Variants in PRUNE2 observed in about 807,000 individuals in gnomAD.
The protein encoded by PRUNE2 is prune homolog 2 with BCH domain.
PRUNE2 carries 164 observed loss-of-function variants against 252.0 expected under a neutral mutation model. That is an observed-to-expected ratio of 0.65 (90% CI 0.57 to 0.74). The LOEUF is 0.74. PRUNE2 is among the 30% of genes least tolerant of loss of function. PRUNE2 has a pLI of 0.00. For synonymous variants in PRUNE2, 1,292 were observed against 1,350.2 expected, an observed-to-expected ratio of 0.96 and a Z score of 0.94; for missense variants, 3,495 against 3,711.0, an observed-to-expected ratio of 0.94 and a Z score of 1.51.
intron 6 of PRUNE2, among the ~76,000 whole-genome samples, chr9:76,763,848 GT>G (rs1401145371): frequency 1.3e-5 from 2 of 152,160 alleles, no homozygotes; most frequent in African/African-American, 2.4e-5. Flanking sequence ...ACAGTGAGAG[GT>G]GCCCATGAGT....
intron 6 of PRUNE2, among the ~76,000 whole-genome samples, chr9:76,767,415 C>T (rs889503073): frequency 1.3e-5 from 2 of 151,066 alleles, no homozygotes; most frequent in Admixed American, 6.6e-5. Context: ...TGTGCCACTG[C>T]GCTCCAGCCT....
chr9:76,650,160 CTTCA>C (rs1308820769), intron 11 of PRUNE2, among the ~76,000 whole-genome samples: 2 of 151,684 alleles, frequency 1.3e-5, no homozygotes, highest in African/African-American at 4.8e-5. Flanking sequence ...CTTCTCTGTG[CTTCA>C]TTGTTCTAGT....
chr9:76,822,389 AC>A (rs2058083525), intron 6 of PRUNE2, among the ~76,000 whole-genome samples: 2 of 152,238 alleles, frequency 1.3e-5, no homozygotes, highest in Non-Finnish European at 2.9e-5. Flanking sequence ...AATAAATTTG[AC>A]AAAAAGATCA....
chr9:76,748,527 G>T (rs2050336483), intron 6 of PRUNE2: 1 of 152,178 alleles, frequency 6.6e-6, no homozygotes, highest in African/African-American at 2.4e-5. Context: ...ATGGGTTTTG[G>T]GGGTAATAAA....
chr9:76,787,660 A>G (rs941389810), intron 6 of PRUNE2: 1 of 152,212 alleles, frequency 6.6e-6, no homozygotes, highest in South Asian at 2.1e-4. Flanking sequence ...AATTGCACAC[A>G]TCGCACATGC....
At chr9:76,625,781 T>C (rs1356489135) in intron 16 of PRUNE2, among the ~76,000 whole-genome samples, 1 of 152,210 alleles carries the variant, frequency 6.6e-6, no homozygotes, top group Non-Finnish European at 1.5e-5. Flanking sequence ...TCTTGTTTCA[T>C]ACTGTAAACA....
At position 76,846,566 on chromosome 9, in the gene PRUNE2, G is replaced by C. The variant is rs199648335; in HGVS notation, c.457C>G (p.Leu153Val). 1 of 1,614,142 alleles carries C rather than the reference G, an allele frequency of 6.2e-7. No homozygotes were observed. The highest frequency in any genetic ancestry group is 1.7e-5 in the Admixed American group (1 of 60,024). Residue 153 changes from leucine (L) to valine (V), a missense_variant, in exon 4 of 19, where the codon CTC (leucine) becomes GTC (valine). Transcript: ENST00000376718. ...SSSSLVLKEI[L>V]QEAPELITEQ... ...GTGATGAGCTCAGGAGCCTCTTGGA[G>C]AATCTCCTTTAGCACGAGAGAAGAG...
chr9:76,779,466 T>A (rs1425003599), intron 6 of PRUNE2, among the ~76,000 whole-genome samples: 1 of 152,198 alleles, frequency 6.6e-6, no homozygotes, highest in Non-Finnish European at 1.5e-5. Flanking sequence ...GATGCACTTA[T>A]GAAAAATGGT....
chr9:76,859,539 T>C (rs1261308149), intron 1 of PRUNE2, among the ~76,000 whole-genome samples: 7 of 152,114 alleles, frequency 4.6e-5, no homozygotes, highest in Non-Finnish European at 8.8e-5. Flanking sequence ...CTATGGATTC[T>C]TCTTGCCCAC....
chr9:76,719,859 C>A (rs2135213104), intron 6 of PRUNE2, among the ~76,000 whole-genome samples: 1 of 152,168 alleles, frequency 6.6e-6, no homozygotes, highest in Non-Finnish European at 1.5e-5. Context: ...GTTGCCCAGG[C>A]TGGTCCTGAA....
intron 1 of PRUNE2, among the ~76,000 whole-genome samples, chr9:76,897,993 A>G (rs1437820141): frequency 1.3e-5 from 2 of 152,154 alleles, no homozygotes; most frequent in Non-Finnish European, 2.9e-5. Context: ...CTCAGGGCAT[A>G]CACACATGCA....
chr9:76,834,325 A>G (rs1400197496), intron 4 of PRUNE2, among the ~76,000 whole-genome samples: 3 of 152,256 alleles, frequency 2.0e-5, no homozygotes, highest in South Asian at 2.1e-4. Context: ...TGACACAATT[A>G]TGTGTGCAAA....
chr9:76,680,790 C>T (rs530768285), intron 9 of PRUNE2, among the ~76,000 whole-genome samples: 4 of 152,058 alleles, frequency 2.6e-5, no homozygotes, highest in Admixed American at 1.3e-4. Context: ...CTTACAATCA[C>T]GACTGAAAGC....
chr9:76,867,871 G>A (rs926766622), intron 1 of PRUNE2, among the ~76,000 whole-genome samples: 4 of 151,970 alleles, frequency 2.6e-5, no homozygotes, highest in African/African-American at 4.8e-5. Flanking sequence ...GCGCCCGGCC[G>A]GTTTTGCTTT....
At chr9:76,832,352 T>C (rs1215957802) in intron 4 of PRUNE2, among the ~76,000 whole-genome samples, 2 of 152,100 alleles carry the variant, frequency 1.3e-5, no homozygotes, top group Non-Finnish European at 2.9e-5. Flanking sequence ...AAATTGACCA[T>C]CTGTTGAAGC....
intron 18 of PRUNE2, among the ~76,000 whole-genome samples, chr9:76,615,769 G>GGTTTT (rs1829201661): frequency 1.1e-5 from 1 of 93,992 alleles, no homozygotes; most frequent in South Asian, 3.9e-4. Context: ...TGTGTGTGTG[G>GGTTTT]TTTTTTTTTT....
chr9:76,697,539 C>A lies in PRUNE2; in HGVS notation c.8276+5798G>T, dbSNP rs1408812477. Among the ~76,000 whole-genome samples the A allele has an allele frequency of 3.3e-5, 5 of 152,280 alleles. No homozygotes were observed. In the South Asian group the frequency reaches 8.3e-4, roughly 25 times the overall value. On this transcript the variant is annotated intron_variant, in intron 9 of 18. Transcript: ENST00000376718. ...GGTATCAAAAAAGCCCAGTAGGTCA[C>A]AAGACAGTCTGAGGAGTCAGGCATG...
intron 16 of PRUNE2, among the ~76,000 whole-genome samples, chr9:76,624,701 T>G (rs1352560210): frequency 6.6e-6 from 1 of 152,234 alleles, no homozygotes; most frequent in Non-Finnish European, 1.5e-5. Context: ...TGCAAATTCC[T>G]TCATAAAATG....
At chr9:76,808,352 A>G (rs766499266) in intron 6 of PRUNE2, among the ~76,000 whole-genome samples, 9 of 152,164 alleles carry the variant, frequency 5.9e-5, no homozygotes, top group Non-Finnish European at 1.3e-4. Context: ...GTAACCTCAT[A>G]TTTCACATTG....
Sources: gnomAD v4.1 joint callset for allele counts (sites outside exome capture counted in the v4.1 genomes callset) on GRCh38, gnomAD v4.1.1 for gene constraint, MANE v1.5 for transcripts, NCBI Gene and HGNC (gene_info 2026-07-23, HGNC 2026-07-21) for gene names.